FRK: variants seen among roughly 807,000 people sequenced by gnomAD.
The protein encoded by FRK is tyrosine-protein kinase FRK.
A neutral mutation model predicts 56.4 loss-of-function variants in FRK; 51 were observed. The ratio of observed to expected loss-of-function variants is 0.90; its 90% confidence interval spans 0.72 to 1.14. The LOEUF is 1.14. Ranked by LOEUF, FRK falls within the 50% of genes most tolerant of loss-of-function variation. The probability of loss-of-function intolerance (pLI) is 0.00; values close to 1 mark genes in which losing one functional copy is unlikely to be tolerated. For synonymous variants in FRK, 245 were observed against 217.9 expected (o/e 1.12, Z -1.10); for missense variants, 570 against 601.4 (o/e 0.95, Z 0.55).
chr6:116,013,355 A>C (rs537533313), intron 1 of FRK, among the ~76,000 whole-genome samples: 26 of 152,286 alleles, frequency 1.7e-4, no homozygotes, highest in African/African-American at 6.3e-4. Flanking sequence ...GAAGAGGAAA[A>C]GACAGCTAAT....
chr6:115,958,943 T>C (rs949405294), intron 4 of FRK, among the ~76,000 whole-genome samples: 1 of 152,160 alleles, frequency 6.6e-6, no homozygotes, highest in African/African-American at 2.4e-5. Flanking sequence ...CTCAAACTCA[T>C]TCCCAAATCA....
At chr6:115,955,162 C>T (rs1307274496) in intron 5 of FRK, among the ~76,000 whole-genome samples, 3 of 151,158 alleles carry the variant, frequency 2.0e-5, no homozygotes, top group African/African-American at 7.3e-5. Flanking sequence ...TGGAGAACTC[C>T]AAGATATTGA....
rs774963538 is a variant in FRK, at chr6:115,941,996, A to G, written c.*418T>C. 3 of 166,518 alleles carry G rather than the reference A, an allele frequency of 1.8e-5. No individual in the cohort carries two copies. The highest frequency in any genetic ancestry group is 3.9e-5 in the Non-Finnish European group (3 of 76,678). 10.3% of individuals were successfully genotyped at this position (166,518 alleles called of 1,614,324 possible). A position where few individuals can be genotyped will look rare whatever the true frequency, so the allele number is the denominator to read the frequency against. Reference sequence around the variant, plus strand: ...AAAGCAATCAAATTCCTTCATAATAACAGCCTGATGGGATTCAGCAATCTG... The same window carrying G: ...AAAGCAATCAAATTCCTTCATAATAGCAGCCTGATGGGATTCAGCAATCTG... On this transcript the variant is annotated 3_prime_UTR_variant, in exon 8 of 8. Coordinates refer to ENST00000606080, the MANE Select transcript of FRK (RefSeq NM_002031.3).
chr6:115,974,577 T>C (rs1357936589), intron 2 of FRK, among the ~76,000 whole-genome samples: 2 of 152,170 alleles, frequency 1.3e-5, no homozygotes, highest in Non-Finnish European at 2.9e-5. Flanking sequence ...GTCAGTCTCA[T>C]GGGCCTTGAT....
In FRK at chr6:115,931,346, A is replaced by C. The variant is rs1771954966; in HGVS notation, c.*11068T>G. 6.6e-6 allele frequency: 1 copy of C among 152,230 alleles called. No individual in the cohort carries two copies. The highest frequency in any genetic ancestry group is 2.1e-4 in the South Asian group (1 of 4,832). The allele number at this position is 152,230 out of a possible 1,614,324, so 9.4% of individuals were successfully genotyped here. On this transcript the variant is annotated 3_prime_UTR_variant, in exon 8 of 8. Coordinates refer to ENST00000606080, the MANE Select transcript of FRK (RefSeq NM_002031.3). ...TGCCTTAATATTTTAAAGAATACAG[A>C]AATAAAAATGTTTAAAAATTGTAAG...
chr6:115,995,169 G>A (rs1459879801), intron 2 of FRK, among the ~76,000 whole-genome samples: 1 of 152,070 alleles, frequency 6.6e-6, no homozygotes, highest in Non-Finnish European at 1.5e-5. Context: ...GAAATCATTG[G>A]TTGATAGACT....
chr6:115,996,747 TA>T (rs1774856511), intron 2 of FRK, among the ~76,000 whole-genome samples: 1 of 152,116 alleles, frequency 6.6e-6, no homozygotes, highest in Admixed American at 6.6e-5. Context: ...AAGCATGAAA[TA>T]GAAGCAATAA....
Position 115,966,084 on chromosome 6 carries a change from A to T in FRK, c.799+1467T>A, listed in dbSNP as rs1364181578. Among the ~76,000 whole-genome samples, 172 of 137,792 alleles carry T rather than the reference A, an allele frequency of 1.2e-3. 1 individual carries two copies. Among genetic ancestry groups the T allele is most frequent in the Non-Finnish European group, 1.3e-3 (82 of 61,050 alleles). 90.4% of individuals were successfully genotyped at this position (137,792 alleles called of 152,430 possible). ...AATTAAAAAAAAAAAGAAATACTTA[A>T]AAAAAAAAGAAGTATTTATCTTAAC... On this transcript the variant is annotated intron_variant, in intron 4 of 7. Coordinates refer to ENST00000606080, the MANE Select transcript of FRK (RefSeq NM_002031.3).
upstream of FRK, among the ~76,000 whole-genome samples, chr6:116,063,624 T>C (rs1321616527): frequency 1.3e-5 from 2 of 152,176 alleles, no homozygotes; most frequent in Non-Finnish European, 1.5e-5. Context: ...GAGGAATAAA[T>C]GATAAGTATT....
intron 2 of FRK, among the ~76,000 whole-genome samples, chr6:115,996,591 TA>T (rs1334608824): frequency 6.6e-6 from 1 of 152,150 alleles, no homozygotes; most frequent in Non-Finnish European, 1.5e-5. Flanking sequence ...GGATTATTTG[TA>T]ATCCTACATG....
At chr6:116,065,172 T>C (rs969123448), upstream of FRK, among the ~76,000 whole-genome samples, 1 of 152,184 alleles carries the variant, frequency 6.6e-6, no homozygotes. Flanking sequence ...CATGCTCCTA[T>C]ACCTGGTATG....
intron 5 of FRK, among the ~76,000 whole-genome samples, chr6:115,950,970 A>G (rs1020772880): frequency 2.6e-5 from 4 of 152,142 alleles, no homozygotes; most frequent in Admixed American, 6.5e-5. Flanking sequence ...GTTGAACAGT[A>G]AGAACACATG....
chr6:116,093,436 T>C, the FRK span, among the ~76,000 whole-genome samples: 112 of 152,344 alleles, frequency 7.4e-4, 1 homozygote, highest in Admixed American at 6.7e-3. Context: ...GGGCAAACCT[T>C]TGATCTCACT....
intron 1 of FRK, among the ~76,000 whole-genome samples, chr6:116,043,294 G>A (rs1377329642): frequency 2.6e-5 from 4 of 152,148 alleles, no homozygotes; most frequent in Non-Finnish European, 5.9e-5. Context: ...ATTCTTCTCA[G>A]CACCACATTG....
At chr6:115,973,142 A>T (rs1773871465) in intron 2 of FRK, among the ~76,000 whole-genome samples, 2 of 152,134 alleles carry the variant, frequency 1.3e-5, no homozygotes, top group Non-Finnish European at 2.9e-5. Context: ...ACATCCTTGC[A>T]CTCTGATTTG....
chr6:115,959,712 G>A (rs867331054), intron 4 of FRK, among the ~76,000 whole-genome samples: 3 of 152,244 alleles, frequency 2.0e-5, no homozygotes, highest in South Asian at 2.1e-4. Flanking sequence ...TATACTTTAC[G>A]TATATTGACT....
At chr6:116,054,244 A>G (rs992289048) in intron 1 of FRK, among the ~76,000 whole-genome samples, 4 of 150,610 alleles carry the variant, frequency 2.7e-5, no homozygotes, top group African/African-American at 9.7e-5. Context: ...CATCATAAAT[A>G]ACATATGGTG....
At chr6:116,075,439 T>C in the FRK span, among the ~76,000 whole-genome samples, 1 of 147,174 alleles carries the variant, frequency 6.8e-6, no homozygotes, top group Admixed American at 6.8e-5. Context: ...GGTGTGATTA[T>C]GCAAATGTAA....
intron 1 of FRK, among the ~76,000 whole-genome samples, chr6:116,044,599 G>A (rs1042110672): frequency 3.9e-5 from 6 of 151,982 alleles, no homozygotes; most frequent in South Asian, 2.1e-4. Flanking sequence ...TAATAAGAGC[G>A]ATTTATGACA....
Sources: gnomAD v4.1 joint callset for allele counts (sites outside exome capture counted in the v4.1 genomes callset) on GRCh38, gnomAD v4.1.1 for gene constraint, MANE v1.5 for transcripts, NCBI Gene and HGNC (gene_info 2026-07-23, HGNC 2026-07-21) for gene names.